Variants in SYT9 observed in about 807,000 individuals in gnomAD.
SYT9 encodes synaptotagmin-9.
Under a neutral mutation model 48.4 loss-of-function variants are expected in SYT9, and 22 were observed. The ratio of observed to expected loss-of-function variants is 0.45; its 90% CI spans 0.32 to 0.65. The LOEUF (loss-of-function observed/expected upper bound fraction) is 0.65. Among genes scored for constraint, SYT9 ranks in the 30% least tolerant of loss-of-function variants. SYT9 has a pLI of 0.03. For synonymous variants in SYT9, 265 were observed against 245.0 expected (o/e 1.08, Z -0.76); for missense variants, 577 against 622.0 (o/e 0.93, Z 0.77).
chr11:7,253,321 C>G (rs1278486143), intron 1 of SYT9, among the ~76,000 whole-genome samples: 1 of 152,116 alleles, frequency 6.6e-6, no homozygotes, highest in Non-Finnish European at 1.5e-5. Flanking sequence ...GAGAAAATGG[C>G]CTTTCTCTTG....
At position 7,266,121 on chromosome 11, in the gene SYT9, A is replaced by G. The variant is rs149134532; in HGVS notation, c.145+13790A>G. The stretch of plus-strand genomic sequence containing the variant: ...ATTTTTTTAGATAATATGGATGTCA[A>G]TTGTTGGCATAGCTGAGCTAGCTCT... On this transcript the variant is annotated intron_variant, in intron 1 of 6. Coordinates refer to ENST00000318881, the MANE Select transcript of SYT9 (RefSeq NM_175733.4). Among the ~76,000 whole-genome samples the G allele has an allele frequency of 3.2e-3, 489 of 152,108 alleles. 4 individuals carry two copies. The highest frequency in any genetic ancestry group is 0.012 in the African/African-American group (482 of 41,508).
chr11:7,313,784 A>G lies in SYT9; in HGVS notation c.887A>G (p.Asn296Ser), dbSNP rs1418084422. 2 of 1,614,172 alleles carry G rather than the reference A, an allele frequency of 1.2e-6. No individual in the cohort carries two copies. The highest frequency in any genetic ancestry group is 3.3e-5 in the Admixed American group (2 of 60,030). Residue 296 changes from asparagine to serine, a missense_variant, in exon 3 of 7, where the codon AAT becomes AGT. Coordinates refer to ENST00000318881, the MANE Select transcript of SYT9 (RefSeq NM_175733.4). ...GTGTTTTTATTTCCGGTTCCCTACA[A>G]TGACCTTGAAGCACGGAAGCTTCAC... ...DEVFLFPVPY[N>S]DLEARKLHFS...
chr11:7,332,519 G>A lies in SYT9; in HGVS notation c.1044+18578G>A, dbSNP rs1849557167. Reference sequence around the variant, plus strand: ...AAAGGGGTTATGGGAACATAGGTGGGACCCTGACTCCCATGACCTCTGAGA... The same window carrying A: ...AAAGGGGTTATGGGAACATAGGTGGAACCCTGACTCCCATGACCTCTGAGA... On this transcript the variant is annotated intron_variant, in intron 3 of 6. Transcript: ENST00000318881. Among the ~76,000 whole-genome samples, 3 of 152,184 alleles carry A rather than the reference G, an allele frequency of 2.0e-5. No homozygotes were observed. In the South Asian group the frequency reaches 6.2e-4, roughly 31 times the overall value.
chr11:7,302,330 G>A (rs866394455), intron 1 of SYT9, among the ~76,000 whole-genome samples: 9 of 152,182 alleles, frequency 5.9e-5, no homozygotes, highest in Middle Eastern at 3.4e-3. Flanking sequence ...CCTTTTATTG[G>A]CTTCCTTTTC....
chr11:7,380,160 G>C (rs1850534022), intron 3 of SYT9, among the ~76,000 whole-genome samples: 1 of 152,110 alleles, frequency 6.6e-6, no homozygotes, highest in African/African-American at 2.4e-5. Flanking sequence ...TGGAACTGGG[G>C]ATCATTATGT....
At chr11:7,305,375 G>A (rs1221618404) in intron 2 of SYT9, among the ~76,000 whole-genome samples, 1 of 152,106 alleles carries the variant, frequency 6.6e-6, no homozygotes, top group Non-Finnish European at 1.5e-5. Context: ...TCATACCTAA[G>A]TTACTACTGA....
chr11:7,305,719 C>T (rs148229534), intron 2 of SYT9, among the ~76,000 whole-genome samples: 7 of 152,216 alleles, frequency 4.6e-5, no homozygotes, highest in African/African-American at 9.6e-5. Flanking sequence ...TTCTCCCTGC[C>T]GACACCGTCT....
intron 3 of SYT9, among the ~76,000 whole-genome samples, chr11:7,369,199 A>G (rs1850306638): frequency 6.6e-6 from 1 of 151,748 alleles, no homozygotes; most frequent in African/African-American, 2.4e-5. Flanking sequence ...ATGGTATCTC[A>G]CTGTGGTTTT....
At chr11:7,299,313 G>GAAA (rs996354006) in intron 1 of SYT9, among the ~76,000 whole-genome samples, 1 of 151,866 alleles carries the variant, frequency 6.6e-6, no homozygotes, top group African/African-American at 2.4e-5. Flanking sequence ...ACCTCTTTCT[G>GAAA]AAAAAAACAA....
intron 3 of SYT9, among the ~76,000 whole-genome samples, chr11:7,338,867 C>A (rs1273660529): frequency 6.6e-6 from 1 of 152,028 alleles, no homozygotes; most frequent in Non-Finnish European, 1.5e-5. Flanking sequence ...CCATTTGGTC[C>A]AATATTGAGT....
intron 1 of SYT9, among the ~76,000 whole-genome samples, chr11:7,298,014 A>T (rs1218114742): frequency 1.3e-5 from 2 of 152,158 alleles, no homozygotes; most frequent in African/African-American, 4.8e-5. Flanking sequence ...GTGATATTTT[A>T]TTATAGATGC....
rs1205054986 is a variant in SYT9 at position 7,468,255 on chromosome 11, G to T, written c.*1455G>T. The T allele has an allele frequency of 5.0e-6, 2 of 398,496 alleles. No individual in the cohort carries two copies. Among genetic ancestry groups the T allele is most frequent in the Non-Finnish European group, 8.8e-6 (2 of 226,078 alleles). 24.7% of individuals were successfully genotyped at this position (398,496 alleles called of 1,614,324 possible). On this transcript the variant is annotated 3_prime_UTR_variant, in exon 7 of 7. Transcript: ENST00000318881. ...CATGGAACTAACTGGGCGGAGGAAG[G>T]ATCGTTATACGTCTTCAGAAAGTTC...
At chr11:7,301,415 G>A (rs879452152) in intron 1 of SYT9, among the ~76,000 whole-genome samples, 2 of 152,214 alleles carry the variant, frequency 1.3e-5, no homozygotes, top group Non-Finnish European at 2.9e-5. Context: ...GTGGGTGGTA[G>A]TTGTTCAGCT....
chr11:7,283,149 A>G (rs755843478), intron 1 of SYT9, among the ~76,000 whole-genome samples: 122 of 132,586 alleles, frequency 9.2e-4, no homozygotes, highest in South Asian at 3.8e-3. Flanking sequence ...ATGTGTGTGT[A>G]TATATATATA....
intron 3 of SYT9, among the ~76,000 whole-genome samples, chr11:7,328,895 A>G (rs1564864314): frequency 6.6e-6 from 1 of 152,178 alleles, no homozygotes; most frequent in South Asian, 2.1e-4. Context: ...CTCAGTATCT[A>G]TTCTTTTAGA....
intron 6 of SYT9, chr11:7,458,077 T>G (rs1848177542): frequency 6.6e-6 from 1 of 152,262 alleles, no homozygotes; most frequent in Admixed American, 6.5e-5. Flanking sequence ...CTACTATAGG[T>G]GCTGAAGATA....
chr11:7,404,390 T>C (rs1846961388), intron 3 of SYT9, among the ~76,000 whole-genome samples: 1 of 152,186 alleles, frequency 6.6e-6, no homozygotes, highest in African/African-American at 2.4e-5. Context: ...CTTTTCCTTT[T>C]CGCTGCCTTT....
At chr11:7,460,453 A>G (rs1848216718) in intron 6 of SYT9, among the ~76,000 whole-genome samples, 3 of 152,144 alleles carry the variant, frequency 2.0e-5, no homozygotes, top group South Asian at 4.1e-4. Context: ...TCACAAATTT[A>G]AAATGTGATT....
intron 3 of SYT9, among the ~76,000 whole-genome samples, chr11:7,338,356 T>C (rs1481309070): frequency 1.3e-5 from 2 of 152,200 alleles, no homozygotes; most frequent in African/African-American, 2.4e-5. Flanking sequence ...TATTCTTCAG[T>C]TCAGCTCTGA....
Sources: allele counts gnomAD v4.1 joint callset (sites outside exome capture counted in the v4.1 genomes callset), GRCh38; gene constraint gnomAD v4.1.1; transcripts MANE v1.5; gene names NCBI Gene and HGNC (gene_info 2026-07-23, HGNC 2026-07-21).